The following IL1RAPL1 variants were observed in gnomAD, a reference collection of about 807,000 sequenced individuals.
The protein encoded by IL1RAPL1 is interleukin-1 receptor accessory protein-like 1.
IL1RAPL1 carries 3 observed loss-of-function variants against 48.4 expected under a neutral mutation model. The ratio of observed to expected loss-of-function variants is 0.06; its 90% CI spans 0.03 to 0.16. The LOEUF (loss-of-function observed/expected upper bound fraction) is 0.16. Among genes scored for constraint, IL1RAPL1 ranks in the 10% least tolerant of loss-of-function variants. The probability of loss-of-function intolerance (pLI) is 1.00; values close to 1 mark genes in which losing one functional copy is unlikely to be tolerated. For missense variants in IL1RAPL1, 349 were observed against 530.6 expected (o/e 0.66, Z 3.36); for synonymous variants, 185 against 187.7 (o/e 0.99, Z 0.12).
intron 6 of IL1RAPL1, among the ~76,000 whole-genome samples, chrX:29,756,379 G>A (rs192926558): frequency 2.1e-3 from 230 of 111,499 alleles, no homozygotes; most frequent in Middle Eastern, 9.4e-3. Flanking sequence ...GCAGATTATT[G>A]TATTATTTGA....
intron 1 of IL1RAPL1, among the ~76,000 whole-genome samples, chrX:28,622,024 C>A (rs1276924410): frequency 9.0e-6 from 1 of 111,328 alleles, no homozygotes; most frequent in African/African-American, 3.3e-5. Flanking sequence ...CTTTCTTTTG[C>A]CAGTCTTGCT....
At chrX:29,230,522 A>AAAAAAAAAAAAAAC (rs1931178996) in intron 2 of IL1RAPL1, among the ~76,000 whole-genome samples, 1 of 90,822 alleles carries the variant, frequency 1.1e-5, no homozygotes, top group Non-Finnish European at 2.1e-5. Flanking sequence ...AAAAAAAAAA[A>AAAAAAAAAAAAAAC]AAAAAAAAAA....
chrX:28,761,910 C>T (rs993999933), intron 1 of IL1RAPL1, among the ~76,000 whole-genome samples: 3 of 111,706 alleles, frequency 2.7e-5, no homozygotes, highest in Non-Finnish European at 3.8e-5. Context: ...CCTGGCTCTC[C>T]GGCTTACTAA....
chrX:28,816,541 G>A (rs757842019), intron 2 of IL1RAPL1, among the ~76,000 whole-genome samples: 26 of 110,735 alleles, frequency 2.3e-4, no homozygotes, highest in African/African-American at 7.8e-4. Flanking sequence ...GATAATGGCC[G>A]CCAGCTGCCT....
chrX:29,176,239 G>A (rs1239373932), intron 2 of IL1RAPL1, among the ~76,000 whole-genome samples: 2 of 104,269 alleles, frequency 1.9e-5, no homozygotes, highest in Non-Finnish European at 3.9e-5. Context: ...GACCACAGGC[G>A]CCCACCACCA....
intron 3 of IL1RAPL1, among the ~76,000 whole-genome samples, chrX:29,341,490 A>G (rs1370509021): frequency 8.9e-6 from 1 of 112,280 alleles, no homozygotes; most frequent in African/African-American, 3.2e-5. Context: ...TAGTGTTGGA[A>G]TGGCTAAGAG....
intron 1 of IL1RAPL1, among the ~76,000 whole-genome samples, chrX:28,653,602 G>A (rs901999866): frequency 5.4e-5 from 6 of 111,939 alleles, no homozygotes; most frequent in African/African-American, 1.9e-4. Flanking sequence ...AAAAATGGAC[G>A]TGCTCTCACA....
chrX:29,573,273 C>T (rs756148513), intron 5 of IL1RAPL1, among the ~76,000 whole-genome samples: 2 of 112,426 alleles, frequency 1.8e-5, no homozygotes, highest in Non-Finnish European at 3.8e-5. Context: ...AGGGACACAA[C>T]ATTCAGACCA....
chrX:29,473,545 AGATATTT>A (rs1187920803), intron 5 of IL1RAPL1, among the ~76,000 whole-genome samples: 1 of 110,209 alleles, frequency 9.1e-6, no homozygotes, highest in Non-Finnish European at 1.9e-5. Flanking sequence ...TCTTTCTAAA[AGATATTT>A]CTTCAGCTAG....
At chrX:29,484,071 G>A (rs1312669833) in intron 5 of IL1RAPL1, among the ~76,000 whole-genome samples, 1 of 109,539 alleles carries the variant, frequency 9.1e-6, no homozygotes, top group African/African-American at 3.3e-5. Flanking sequence ...TAGGTGCTAG[G>A]GATAAAATAT....
chrX:29,356,871 G>C (rs1933311953), intron 3 of IL1RAPL1, among the ~76,000 whole-genome samples: 1 of 111,736 alleles, frequency 8.9e-6, no homozygotes. Context: ...AGAAGTGCTT[G>C]AAGATTCCCA....
intron 2 of IL1RAPL1, among the ~76,000 whole-genome samples, chrX:28,902,682 T>G (rs5985930): frequency 9.0e-6 from 1 of 110,531 alleles, no homozygotes; most frequent in Non-Finnish European, 1.9e-5. Flanking sequence ...ACTTTTTTAT[T>G]ACTCATGGCT....
chrX:29,241,161 AAT>A (rs1237881581), intron 2 of IL1RAPL1, among the ~76,000 whole-genome samples: 5 of 111,895 alleles, frequency 4.5e-5, no homozygotes, highest in Non-Finnish European at 9.4e-5. Context: ...AACTGAAACT[AAT>A]AGAGTCATAC....
At chrX:29,264,098 T>A (rs1198154014) in intron 2 of IL1RAPL1, among the ~76,000 whole-genome samples, 1 of 111,041 alleles carries the variant, frequency 9.0e-6, no homozygotes, top group Non-Finnish European at 1.9e-5. Context: ...TTAGACATGT[T>A]AAGGCAGTGG....
At position 29,856,378 on chromosome X, in the gene IL1RAPL1, T is replaced by C. The variant is rs1160187937; in HGVS notation, c.779-61086T>C. On this transcript the variant is annotated intron_variant, in intron 6 of 10. Coordinates refer to ENST00000378993, the MANE Select transcript of IL1RAPL1 (RefSeq NM_014271.4). Reference sequence around the variant, plus strand: ...ACAAGATGCAATTCAGAATTTAAAATTATTCAGAATGTACTAAGATGAGAC... The same window carrying C: ...ACAAGATGCAATTCAGAATTTAAAACTATTCAGAATGTACTAAGATGAGAC... Among the ~76,000 whole-genome samples, 3 of 111,836 alleles carry C rather than the reference T, an allele frequency of 2.7e-5. No homozygotes were observed. In the Admixed American group the frequency reaches 2.9e-4, roughly 11 times the overall value.
chrX:29,449,607 A>G (rs1267713472), intron 5 of IL1RAPL1, among the ~76,000 whole-genome samples: 1 of 110,283 alleles, frequency 9.1e-6, no homozygotes, highest in East Asian at 2.8e-4. Context: ...TTTGAAATCT[A>G]TATTGGGCAC....
At chrX:28,739,637 T>C (rs1222997818) in intron 1 of IL1RAPL1, among the ~76,000 whole-genome samples, 7 of 111,743 alleles carry the variant, frequency 6.3e-5, no homozygotes, top group Non-Finnish European at 1.3e-4. Context: ...CTCCATGAAA[T>C]CAATGTACAC....
chrX:29,856,389 G>A (rs1045552471), intron 6 of IL1RAPL1, among the ~76,000 whole-genome samples: 2 of 111,776 alleles, frequency 1.8e-5, no homozygotes, highest in Non-Finnish European at 3.8e-5. Flanking sequence ...TATTCAGAAT[G>A]TACTAAGATG....
chrX:29,114,138 T>C (rs1169464742), intron 2 of IL1RAPL1, among the ~76,000 whole-genome samples: 1 of 112,055 alleles, frequency 8.9e-6, no homozygotes, highest in Non-Finnish European at 1.9e-5. Flanking sequence ...AGCTTCATTT[T>C]GGAGTTGAAA....
Sources: gnomAD v4.1 joint callset for allele counts (sites outside exome capture counted in the v4.1 genomes callset) on GRCh38, gnomAD v4.1.1 for gene constraint, MANE v1.5 for transcripts, NCBI Gene and HGNC (gene_info 2026-07-23, HGNC 2026-07-21) for gene names.